ABCC3: variants seen among roughly 807,000 people sequenced by gnomAD.
ABCC3 encodes ATP-binding cassette sub-family C member 3.
In ABCC3, 121 loss-of-function variants were observed where a neutral mutation model predicts 165.3. That is an observed-to-expected ratio of 0.73 (90% CI 0.63 to 0.85). ABCC3 has a LOEUF of 0.85. Among genes scored for constraint, ABCC3 ranks in the 40% least tolerant of loss-of-function variants. The pLI, the probability that ABCC3 is intolerant of heterozygous loss-of-function variation, is 0.00. For missense variants in ABCC3, 1,869 were observed against 1,964.1 expected (o/e 0.95, Z 0.92); for synonymous variants, 733 against 810.1 (o/e 0.90, Z 1.62).
intron 17 of ABCC3, 34 bp downstream of exon 17, chr17:50,669,562 G>T (rs4794176): frequency 5.6e-6 from 9 of 1,609,002 alleles, no homozygotes; most frequent in East Asian, 2.2e-5. Context: ...AAGAGGCTAG[G>T]GCATAGAGCT....
At chr17:50,657,689 G>A (rs1435292504) in intron 4 of ABCC3, among the ~76,000 whole-genome samples, 1 of 152,234 alleles carries the variant, frequency 6.6e-6, no homozygotes, top group African/African-American at 2.4e-5. Flanking sequence ...AAGCAGGCAA[G>A]GAGAGTAGCA....
Position 50,676,577 on chromosome 17 carries a change from A to T in ABCC3, c.3367A>T (p.Thr1123Ser). Reference sequence around the variant, plus strand: ...CATCCTGCCCCTGGCTGTGCTCTACACCTTAGTGCAGGTGTGGGGTGGGCG... The same window carrying T: ...CATCCTGCCCCTGGCTGTGCTCTACTCCTTAGTGCAGGTGTGGGGTGGGCG... ...VVILPLAVLY[T>S]LVQRFYAATS... The change falls in exon 23 of 31, where the codon ACC (threonine) becomes TCC (serine). Residue 1123 changes from threonine (T) to serine (S), a missense_variant. Physicochemically the swap from Thr to Ser is moderately conservative, Grantham distance 58. Transcript: ENST00000285238. 3 of 1,566,416 alleles carry T rather than the reference A, an allele frequency of 1.9e-6. No homozygotes were observed. The East Asian group carries it at 7.3e-5, about 38-fold the overall frequency.
intron 25 of ABCC3, chr17:50,679,585 C>G (rs1156791091): frequency 1.3e-5 from 6 of 445,772 alleles, no homozygotes; most frequent in Non-Finnish European, 2.0e-5. Flanking sequence ...GCGAGGTGGT[C>G]CTTGGTTAAG....
Position 50,639,165 on chromosome 17 carries a change from C to T in ABCC3, c.45+4184C>T, listed in dbSNP as rs548438619. 3.3e-5 allele frequency among the ~76,000 whole-genome samples: 5 copies of T among 152,368 alleles called. 1 individual carries two copies. The East Asian group carries it at 9.6e-4, about 29-fold the overall frequency. On this transcript the variant is annotated intron_variant, in intron 1 of 30. Coordinates refer to ENST00000285238, the MANE Select transcript of ABCC3 (RefSeq NM_003786.4). ...AGCAGACACCATAGCTCACCCTCCC[C>T]TCAGGAACCCAGTCCTCCCTGCAAG...
chr17:50,673,978 TTCTCTCTCTCTCTCTCTCTCTCTCTCTC>T (rs1281173726), intron 19 of ABCC3, among the ~76,000 whole-genome samples: 1 of 8,998 alleles, frequency 1.1e-4, no homozygotes, highest in East Asian at 2.0e-3. Context: ...CTTTCTTTCT[TTCTCTCTCTCTCTCTCTCTCTCTCTCTC>T]TCTCTCTCTC....
intron 23 of ABCC3, among the ~76,000 whole-genome samples, chr17:50,676,907 T>C (rs1296986157): frequency 1.3e-5 from 2 of 149,070 alleles, no homozygotes; most frequent in East Asian, 4.0e-4. Flanking sequence ...GGACGGAATC[T>C]CGAGTCTCGC....
At chr17:50,655,673 G>A (rs1480644689) in intron 1 of ABCC3, among the ~76,000 whole-genome samples, 159 bp from the exon 2 acceptor site, 1 of 152,076 alleles carries the variant, frequency 6.6e-6, no homozygotes, top group Non-Finnish European at 1.5e-5. Flanking sequence ...ATTCACACTT[G>A]GGACGACAAC....
At chr17:50,683,038 T>C (rs924673335) in intron 26 of ABCC3, among the ~76,000 whole-genome samples, 1 of 152,080 alleles carries the variant, frequency 6.6e-6, no homozygotes, top group Non-Finnish European at 1.5e-5. Flanking sequence ...ACACAGTCTC[T>C]TCAGAGTTTT....
At chr17:50,647,025 C>T (rs765491600) in intron 1 of ABCC3, among the ~76,000 whole-genome samples, 4 of 152,094 alleles carry the variant, frequency 2.6e-5, no homozygotes, top group African/African-American at 9.7e-5. Flanking sequence ...ATTACAGGTG[C>T]CTGCCACCAC....
rs540139124 is a variant in ABCC3, at chr17:50,645,592, A to ATG, written c.46-10228_46-10227dup. Reference sequence around the variant, plus strand: ...TCATTCATTTATTCAATAAACGTGTATGTGTGTGTGTGTATTTTTTTTTTA... The same window carrying ATG: ...TCATTCATTTATTCAATAAACGTGTATGTGTGTGTGTGTGTATTTTTTTTTTA... On this transcript the variant is annotated intron_variant, in intron 1 of 30. Transcript: ENST00000285238. Among the ~76,000 whole-genome samples the ATG allele has an allele frequency of 1.4e-3, 206 of 151,824 alleles. 2 individuals are homozygous for ATG. Among genetic ancestry groups the ATG allele is most frequent in the African/African-American group, 4.6e-3 (192 of 41,410 alleles).
chr17:50,681,310 CT>C (rs1188293695), intron 26 of ABCC3, among the ~76,000 whole-genome samples: 1 of 152,168 alleles, frequency 6.6e-6, no homozygotes, highest in Non-Finnish European at 1.5e-5. Flanking sequence ...CTCAACCTTC[CT>C]GCCTCTCAGT....
At chr17:50,646,000 C>G (rs1966996274) in intron 1 of ABCC3, among the ~76,000 whole-genome samples, 1 of 152,016 alleles carries the variant, frequency 6.6e-6, no homozygotes, top group Non-Finnish European at 1.5e-5. Context: ...TTCTTCCCTT[C>G]AAAGAGCTTA....
chr17:50,643,430 T>C, intron 1 of ABCC3: 1 of 424,574 alleles, frequency 2.4e-6, no homozygotes, highest in South Asian at 1.7e-5. Flanking sequence ...GGACAAGATG[T>C]ACATGGTACA....
intron 8 of ABCC3, among the ~76,000 whole-genome samples, chr17:50,661,322 T>C (rs564244430): frequency 2.6e-5 from 4 of 152,374 alleles, no homozygotes; most frequent in South Asian, 4.1e-4. Flanking sequence ...GCATATACTA[T>C]GTGCCGGGCA....
At position 50,668,020 on chromosome 17, in the gene ABCC3, G is replaced by A. The variant is rs770745732; in HGVS notation, c.1782+11G>A. The stretch of plus-strand genomic sequence containing the variant: ...AGCAACCTGACTCAGGTAACCCTGG[G>A]TAGGGCTGGGGGCTCTACTGGAGTT... On this transcript the variant is annotated intron_variant, in intron 13 of 30. Transcript: ENST00000285238. 2.5e-5 allele frequency: 40 copies of A among 1,612,000 alleles called. 1 individual carries two copies. In the Admixed American group the frequency reaches 6.5e-4, roughly 26 times the overall value.
At chr17:50,668,345 GC>G in intron 13 of ABCC3, 84 bp from the exon 14 acceptor site, 4 of 1,233,102 alleles carry the variant, frequency 3.2e-6, no homozygotes, top group Non-Finnish European at 4.7e-6. Context: ...GTCCTGCCTA[GC>G]CCAGGATGCT....
At chr17:50,655,178 C>A (rs1292876478) in intron 1 of ABCC3, among the ~76,000 whole-genome samples, 3 of 148,682 alleles carry the variant, frequency 2.0e-5, no homozygotes, top group African/African-American at 5.0e-5. Context: ...GAGGCCGATG[C>A]GGGCAGATCA....
chr17:50,674,074 T>C, intron 19 of ABCC3: 1 of 121,578 alleles, frequency 8.2e-6, no homozygotes, highest in Non-Finnish European at 1.7e-5. Flanking sequence ...CTTTCTTTCT[T>C]TTTTTTCTTT....
intron 23 of ABCC3, among the ~76,000 whole-genome samples, chr17:50,676,925 C>T (rs1967832856): frequency 1.3e-5 from 2 of 150,976 alleles, no homozygotes; most frequent in Admixed American, 1.3e-4. Flanking sequence ...CGCTCTGTCG[C>T]TCAGGCTGGA....
Sources: allele counts gnomAD v4.1 joint callset (sites outside exome capture counted in the v4.1 genomes callset), GRCh38; gene constraint gnomAD v4.1.1; transcripts MANE v1.5; gene names NCBI Gene and HGNC (gene_info 2026-07-23, HGNC 2026-07-21).